ACAD11: variants seen among roughly 807,000 people sequenced by gnomAD.
ACAD11 encodes the protein acyl-Coenzyme A dehydrogenase family, member 11.
ACAD11 carries 83 observed loss-of-function variants against 102.2 expected under a neutral mutation model. That is an observed-to-expected ratio of 0.81 (90% CI 0.68 to 0.97). The LOEUF (loss-of-function observed/expected upper bound fraction) is 0.97, where lower values mean the gene tolerates loss of function less well. ACAD11 is among the 50% of genes least tolerant of loss of function. ACAD11 has a pLI of 0.00. For missense variants in ACAD11, 901 were observed against 951.7 expected (o/e 0.95, Z 0.70); for synonymous variants, 324 against 319.8 (o/e 1.01, Z -0.14).
chr3:132,592,812 A>T (rs1464495487), intron 13 of ACAD11, among the ~76,000 whole-genome samples: 1 of 152,194 alleles, frequency 6.6e-6, no homozygotes, highest in Non-Finnish European at 1.5e-5. Flanking sequence ...ATGAAAAAAG[A>T]TGTTCATTGT....
At chr3:132,622,547 A>G (rs1029192671) in intron 9 of ACAD11, among the ~76,000 whole-genome samples, 1 of 152,212 alleles carries the variant, frequency 6.6e-6, no homozygotes, top group Admixed American at 6.5e-5. Context: ...TGTTTATATA[A>G]TTTTAAAATT....
chr3:132,633,739 C>T (rs1940150129), intron 5 of ACAD11, among the ~76,000 whole-genome samples: 2 of 152,072 alleles, frequency 1.3e-5, no homozygotes, highest in South Asian at 2.1e-4. Flanking sequence ...ACAGAGCCCT[C>T]GGAAATAATA....
intron 1 of ACAD11, among the ~76,000 whole-genome samples, chr3:132,658,324 G>A (rs1044860744): frequency 6.6e-6 from 1 of 151,996 alleles, no homozygotes; most frequent in African/African-American, 2.4e-5. Flanking sequence ...ATTAAACCAA[G>A]CTTATACAAC....
intron 5 of ACAD11, among the ~76,000 whole-genome samples, chr3:132,632,452 A>G (rs1029334068): frequency 6.6e-6 from 1 of 152,222 alleles, no homozygotes; most frequent in Non-Finnish European, 1.5e-5. Flanking sequence ...AGAATAGTAT[A>G]TAGCGTATGA....
At chr3:132,600,529 C>T (rs761613249) in intron 13 of ACAD11, 5 of 1,613,918 alleles carry the variant, frequency 3.1e-6, no homozygotes, top group Non-Finnish European at 8.5e-7. Flanking sequence ...AAGTTTTCCT[C>T]CCTGTATTCC....
intron 1 of ACAD11, chr3:132,647,505 G>A (rs949708742): frequency 7.9e-5 from 12 of 152,142 alleles, no homozygotes; most frequent in Admixed American, 5.2e-4. Context: ...ACAATCTCAC[G>A]AGACCCTACT....
chr3:132,659,758 C>T lies in ACAD11; in HGVS notation c.-7G>A, dbSNP rs763097263. ...CAGTAGCACCTGGCTTCATGATCACCCCCGCAGGCCACAGCAACGCGGCAT... is the reference window on the plus strand; with the variant it reads ...CAGTAGCACCTGGCTTCATGATCACTCCCGCAGGCCACAGCAACGCGGCAT... On this transcript the variant is annotated 5_prime_UTR_variant, in exon 1 of 20. Coordinates refer to ENST00000264990, the MANE Select transcript of ACAD11 (RefSeq NM_032169.5). 6.3e-7 allele frequency: 1 copy of T among 1,584,292 alleles called. No individual in the cohort carries two copies. Among genetic ancestry groups the T allele is most frequent in the Admixed American group, 1.8e-5 (1 of 54,694 alleles).
At chr3:132,586,130 G>T (rs1247765549) in intron 13 of ACAD11, among the ~76,000 whole-genome samples, 1 of 152,136 alleles carries the variant, frequency 6.6e-6, no homozygotes, top group Non-Finnish European at 1.5e-5. Flanking sequence ...AGAAAATGTG[G>T]CACATATACA....
intron 4 of ACAD11, 84 bp from the exon 5 acceptor site, chr3:132,639,740 A>C: frequency 7.5e-7 from 1 of 1,332,780 alleles, no homozygotes; most frequent in Non-Finnish European, 1.0e-6. Flanking sequence ...CAAAATTCAA[A>C]TGCTGTTTTA....
chr3:132,634,950 T>TTTA (rs1322328020), intron 5 of ACAD11, among the ~76,000 whole-genome samples: 2 of 151,350 alleles, frequency 1.3e-5, no homozygotes, highest in Admixed American at 6.6e-5. Context: ...AGATACCTAA[T>TTTA]GCTAAATGAC....
intron 7 of ACAD11, among the ~76,000 whole-genome samples, chr3:132,628,849 A>C (rs966151655): frequency 1.3e-5 from 2 of 152,192 alleles, no homozygotes; most frequent in African/African-American, 4.8e-5. Context: ...GATCTCTAAG[A>C]ACATTTTATC....
At chr3:132,639,980 G>GCA (rs1240013478) in intron 4 of ACAD11, among the ~76,000 whole-genome samples, 60 of 148,008 alleles carry the variant, frequency 4.1e-4, no homozygotes, top group Middle Eastern at 7.0e-3. Context: ...ACACACACAC[G>GCA]CACACACACA....
chr3:132,620,351 T>C (rs536753675), intron 9 of ACAD11: 1 of 152,358 alleles, frequency 6.6e-6, no homozygotes, highest in Non-Finnish European at 1.5e-5. Flanking sequence ...AAGTTTACAG[T>C]GTTTCTGGTG....
intron 17 of ACAD11, among the ~76,000 whole-genome samples, chr3:132,573,294 A>C (rs1248818166): frequency 6.6e-6 from 1 of 152,184 alleles, no homozygotes; most frequent in Non-Finnish European, 1.5e-5. Context: ...GTGGCTAATG[A>C]GCATTTGAAA....
chr3:132,561,490 C>G (rs1368508982), intron 17 of ACAD11, among the ~76,000 whole-genome samples: 5 of 152,128 alleles, frequency 3.3e-5, no homozygotes, highest in Non-Finnish European at 7.3e-5. Flanking sequence ...ATCTTAATGT[C>G]TAAGGTAAAG....
At chr3:132,653,019 T>C (rs1401107849) in intron 1 of ACAD11, among the ~76,000 whole-genome samples, 2 of 152,170 alleles carry the variant, frequency 1.3e-5, no homozygotes, top group Non-Finnish European at 2.9e-5. Context: ...ATGCTGTTTA[T>C]TGGAAGCAAA....
intron 12 of ACAD11, 83 bp downstream of exon 12, chr3:132,605,015 C>T (rs1938778401): frequency 1.9e-6 from 2 of 1,044,854 alleles, no homozygotes; most frequent in Non-Finnish European, 2.8e-6. Context: ...AAACACAGAA[C>T]CACATCCTGT....
intron 13 of ACAD11, among the ~76,000 whole-genome samples, chr3:132,586,593 A>G (rs886297298): frequency 6.6e-6 from 1 of 152,196 alleles, no homozygotes; most frequent in African/African-American, 2.4e-5. Context: ...TCCCCCAAAT[A>G]CATGACTTAT....
At chr3:132,650,365 T>G (rs1353152681) in intron 1 of ACAD11, 1 of 152,204 alleles carries the variant, frequency 6.6e-6, no homozygotes, top group Middle Eastern at 3.2e-3. Context: ...TTGCCCATCC[T>G]CTAGAGGTGT....
Sources: allele counts gnomAD v4.1 joint callset (sites outside exome capture counted in the v4.1 genomes callset), GRCh38; gene constraint gnomAD v4.1.1; transcripts MANE v1.5; gene names NCBI Gene and HGNC (gene_info 2026-07-23, HGNC 2026-07-21).